The following CUX1 variants were observed in gnomAD, a reference collection of about 807,000 sequenced individuals.
CUX1 encodes cut like homeobox 1.
Under a neutral mutation model 158.8 loss-of-function variants are expected in CUX1, and 31 were observed. That is an observed-to-expected ratio of 0.20 (90% CI 0.15 to 0.26). CUX1 has a LOEUF of 0.26. Among genes scored for constraint, CUX1 ranks in the 10% least tolerant of loss-of-function variants. CUX1 has a pLI of 1.00. For missense variants in CUX1, 1,589 were observed against 2,014.6 expected, an observed-to-expected ratio of 0.79 and a Z score of 4.04; for synonymous variants, 879 against 862.1, an observed-to-expected ratio of 1.02 and a Z score of -0.34.
chr7:102,251,122 T>A lies in CUX1; in HGVS notation c.*2080T>A. On this transcript the variant is annotated 3_prime_UTR_variant, in exon 24 of 24. Transcript: ENST00000292535. ...AGTTGTCATACTGTATATTACTGAT[T>A]GAAAACTTTTTGACCGTATTGTGTA... is the stretch of plus-strand genomic sequence containing the variant. 1.0e-6 allele frequency: 1 copy of A among 985,296 alleles called. No individual in the cohort carries two copies. Among genetic ancestry groups the A allele is most frequent in the African/African-American group, 1.7e-5 (1 of 57,356 alleles). 61.0% of individuals were successfully genotyped at this position (985,296 alleles called of 1,614,324 possible).
intron 6 of CUX1, among the ~76,000 whole-genome samples, chr7:102,104,660 G>C (rs782744326): frequency 1.3e-5 from 2 of 152,124 alleles, no homozygotes; most frequent in Admixed American, 6.5e-5. Flanking sequence ...GGGAGGCCGA[G>C]GTGGGTGGAT....
intron 3 of CUX1, among the ~76,000 whole-genome samples, chr7:102,065,423 G>C (rs1825434369): frequency 6.6e-6 from 1 of 152,022 alleles, no homozygotes; most frequent in African/African-American, 2.4e-5. Context: ...CTGCTGCCCA[G>C]GCTGGTCTTG....
intron 1 of CUX1, among the ~76,000 whole-genome samples, chr7:101,907,354 T>G (rs778352996): frequency 4.7e-4 from 71 of 151,882 alleles, no homozygotes; most frequent in Non-Finnish European, 1.0e-3. Context: ...TTATTTTTAT[T>G]TTTTATTTTT....
downstream of CUX1, among the ~76,000 whole-genome samples, chr7:102,262,236 T>C (rs553857736): frequency 2.0e-5 from 3 of 152,280 alleles, no homozygotes; most frequent in African/African-American, 7.2e-5. Flanking sequence ...ACCCTGTCTC[T>C]ACTAAAAAGA....
chr7:102,149,551 T>C lies in CUX1; in HGVS notation c.675-9009T>C, dbSNP rs192065235. Among the ~76,000 whole-genome samples, 46 of 152,294 alleles carry C rather than the reference T, an allele frequency of 3.0e-4. No homozygotes were observed. The East Asian group carries it at 8.3e-3, about 27-fold the overall frequency. ...ATTTGTTTCCCTTGGGTGTGGTTCA[T>C]GGTAGGTGCCCCATGGGCGTTATTG... is the stretch of plus-strand genomic sequence containing the variant. On this transcript the variant is annotated intron_variant, in intron 8 of 23. Transcript: ENST00000292535.
intron 8 of CUX1, among the ~76,000 whole-genome samples, chr7:102,151,371 G>A (rs1016760183): frequency 1.4e-4 from 22 of 152,078 alleles, no homozygotes; most frequent in African/African-American, 4.8e-4. Flanking sequence ...TGGCCAACAC[G>A]ATAAAACCCC....
chr7:101,935,093 G>A (rs531120115), intron 2 of CUX1, among the ~76,000 whole-genome samples: 6 of 152,136 alleles, frequency 3.9e-5, no homozygotes, highest in East Asian at 1.9e-4. Context: ...CCAGATGGCC[G>A]GTTCCTGCCT....
At chr7:102,219,195 G>T (rs1554526002) in intron 20 of CUX1, among the ~76,000 whole-genome samples, 2 of 150,628 alleles carry the variant, frequency 1.3e-5, no homozygotes, top group Non-Finnish European at 3.0e-5. Context: ...CCCTGCAGAG[G>T]GTGTGTGTGT....
At chr7:102,138,723 A>G (rs1388611241) in intron 8 of CUX1, among the ~76,000 whole-genome samples, 7 of 152,172 alleles carry the variant, frequency 4.6e-5, no homozygotes, top group African/African-American at 1.7e-4. Flanking sequence ...TTAAAGTTAT[A>G]TGGATTTTCA....
chr7:101,989,345 G>A (rs947167217), intron 2 of CUX1, among the ~76,000 whole-genome samples: 2 of 152,240 alleles, frequency 1.3e-5, no homozygotes, highest in Non-Finnish European at 2.9e-5. Flanking sequence ...AGGCGTGGCT[G>A]ACCGTGTGCC....
chr7:102,184,086 T>G (rs543063376), intron 11 of CUX1, among the ~76,000 whole-genome samples: 1 of 152,010 alleles, frequency 6.6e-6, no homozygotes, highest in Non-Finnish European at 1.5e-5. Context: ...TTTGTAGAGA[T>G]GGGGTCTTGC....
At position 102,168,939 on chromosome 7, in the gene CUX1, T is replaced by G. The variant is rs147075350; in HGVS notation, c.724-1507T>G. On this transcript the variant is annotated intron_variant, in intron 9 of 23. Transcript: ENST00000292535. ...TTTTCTTTTCTTTTCTTTTATTTTC[T>G]TTTTTTTTTTGAGATGTGGTTTTGC... is the stretch of plus-strand genomic sequence containing the variant. Among the ~76,000 whole-genome samples, 28 of 135,992 alleles carry G rather than the reference T, an allele frequency of 2.1e-4. No individual in the cohort carries two copies. In the East Asian group the frequency reaches 5.5e-3, roughly 27 times the overall value. The allele number at this position is 135,992 out of a possible 152,430, so 89.2% of individuals were successfully genotyped here.
At position 102,254,165 on chromosome 7, in the gene CUX1, A is replaced by G; in HGVS notation, c.*5123A>G. The stretch of plus-strand genomic sequence containing the variant: ...TTCCACCTGTTCCCAAAGCTCCAGC[A>G]GCTGTTTCTTTTGCAGGCAGGGCGT... On this transcript the variant is annotated 3_prime_UTR_variant, in exon 24 of 24. Coordinates refer to ENST00000292535, the MANE Select transcript of CUX1 (RefSeq NM_181552.4). 1.0e-6 allele frequency: 1 copy of G among 985,520 alleles called. No homozygotes were observed. The highest frequency in any genetic ancestry group is 1.2e-6 in the Non-Finnish European group (1 of 830,060). 61.0% of individuals were successfully genotyped at this position (985,520 alleles called of 1,614,324 possible).
chr7:102,010,523 A>G (rs2129294766), intron 2 of CUX1, among the ~76,000 whole-genome samples: 1 of 152,166 alleles, frequency 6.6e-6, no homozygotes, highest in East Asian at 1.9e-4. Flanking sequence ...CCTCTCTTTC[A>G]TATCAGGCAA....
chr7:101,941,526 A>G (rs917122482), intron 2 of CUX1, among the ~76,000 whole-genome samples: 5 of 152,214 alleles, frequency 3.3e-5, no homozygotes, highest in African/African-American at 4.8e-5. Context: ...AATGATGCCA[A>G]TGGAATCTAT....
rs1554519717 is a variant in CUX1, at chr7:102,201,539, A to G, written c.2242A>G (p.Thr748Ala). 28 of 1,613,730 alleles carry G rather than the reference A, an allele frequency of 1.7e-5. No individual in the cohort carries two copies. The highest frequency in any genetic ancestry group is 1.9e-5 in the Non-Finnish European group (23 of 1,179,962). Residue 748 changes from threonine (T) to alanine (A), a missense_variant, in exon 18 of 24, where the codon ACC becomes GCC. By Grantham distance (58) the Thr-to-Ala change is moderately conservative. Around this residue, in one of 8 missense-constraint regions of CUX1, gnomAD observed 337 missense variants for 409.3 expected, o/e 0.82. Transcript: ENST00000292535. The surrounding 1 kb of genome is among the most constrained non-coding windows in gnomAD (Gnocchi z 5.0). ...CATCCTCACCCCCAAGCTTCTGTCC[A>G]CCTCGCCCATGCCCACCGTGTCCAG... Reference protein sequence around the residue: ...ITILTPKLLSTSPMPTVSSYP... With the variant: ...ITILTPKLLSASPMPTVSSYP...
intron 1 of CUX1, among the ~76,000 whole-genome samples, chr7:101,872,882 A>G (rs561400508): frequency 1.3e-5 from 2 of 150,922 alleles, no homozygotes; most frequent in Admixed American, 1.3e-4. Context: ...TTTATTTTTT[A>G]TTTTTTTTGA....
rs113854566 is a variant in CUX1, at chr7:101,829,196, T to C, written c.30+11527T>C. Among the ~76,000 whole-genome samples the C allele has an allele frequency of 6.7e-3, 1,015 of 152,210 alleles. 10 individuals are homozygous for C. The highest frequency in any genetic ancestry group is 9.3e-3 in the South Asian group (45 of 4,824). ...AGCACCCCTTTGTCTTGACTTTCCC[T>C]GTTCTGGAGTGAGGACGGCTTGATG... On this transcript the variant is annotated intron_variant, in intron 1 of 23. Coordinates refer to ENST00000292535, the MANE Select transcript of CUX1 (RefSeq NM_181552.4).
chr7:102,251,550 T>C lies in CUX1; in HGVS notation c.*2508T>C. The C allele has an allele frequency of 1.0e-6, 1 of 985,490 alleles. No individual in the cohort carries two copies. The highest frequency in any genetic ancestry group is 5.2e-4 in the Middle Eastern group (1 of 1,914). The allele number at this position is 985,490 out of a possible 1,614,324, so 61.0% of individuals were successfully genotyped here. On this transcript the variant is annotated 3_prime_UTR_variant, in exon 24 of 24. Coordinates refer to ENST00000292535, the MANE Select transcript of CUX1 (RefSeq NM_181552.4). ...TGTCTTTTGTTGGGGGTATCATTTC[T>C]GAACTTGAAATCCAGTTCAGGGAGA... is the stretch of plus-strand genomic sequence containing the variant.
Sources: gnomAD v4.1 joint callset for allele counts (sites outside exome capture counted in the v4.1 genomes callset) on GRCh38, gnomAD v4.1.1 for gene constraint, gnomAD v4.1.1 regional missense constraint, Gnocchi (gnomAD v3.1) non-coding constraint, MANE v1.5 for transcripts, NCBI Gene and HGNC (gene_info 2026-07-23, HGNC 2026-07-21) for gene names.